The following NECAB1 variants were observed in gnomAD, a reference collection of about 807,000 sequenced individuals.
The protein encoded by NECAB1 is N-terminal EF-hand calcium-binding protein 1.
In NECAB1, 29 loss-of-function variants were observed where a neutral mutation model predicts 57.5. That is an observed-to-expected ratio of 0.50 (90% CI 0.38 to 0.69). The LOEUF is 0.69. Among genes scored for constraint, NECAB1 ranks in the 30% least tolerant of loss-of-function variants. The pLI is 0.00. For synonymous variants in NECAB1, 142 were observed against 147.7 expected, an observed-to-expected ratio of 0.96 and a Z score of 0.28; for missense variants, 372 against 413.8, an observed-to-expected ratio of 0.90 and a Z score of 0.88.
At chr8:90,836,912 A>T (rs1812378622) in intron 3 of NECAB1, among the ~76,000 whole-genome samples, 2 of 152,234 alleles carry the variant, frequency 1.3e-5, no homozygotes, top group African/African-American at 2.4e-5. Context: ...ATGTTTTGCC[A>T]AAATGAAGGC....
chr8:90,911,810 A>C (rs1271738329), intron 5 of NECAB1, among the ~76,000 whole-genome samples: 1 of 152,108 alleles, frequency 6.6e-6, no homozygotes, highest in Non-Finnish European at 1.5e-5. Context: ...TGTCCATTAC[A>C]CTTTATAATA....
chr8:90,811,598 T>G (rs1252501848), intron 2 of NECAB1, among the ~76,000 whole-genome samples: 2 of 152,208 alleles, frequency 1.3e-5, no homozygotes, highest in Non-Finnish European at 1.5e-5. Flanking sequence ...AATTGTTGGC[T>G]CCTATAATTG....
intron 8 of NECAB1, among the ~76,000 whole-genome samples, chr8:90,932,350 A>G (rs1226844912): frequency 6.6e-6 from 1 of 152,234 alleles, no homozygotes; most frequent in African/African-American, 2.4e-5. Context: ...GTCAGGTACT[A>G]TTCCAGCAGT....
At chr8:90,867,455 C>A (rs2129830866) in intron 3 of NECAB1, among the ~76,000 whole-genome samples, 1 of 152,284 alleles carries the variant, frequency 6.6e-6, no homozygotes, top group South Asian at 2.1e-4. Flanking sequence ...TTCAATGATG[C>A]TATTAAAAAT....
At chr8:90,941,584 A>G (rs568152746) in intron 10 of NECAB1, among the ~76,000 whole-genome samples, 3 of 152,360 alleles carry the variant, frequency 2.0e-5, no homozygotes, top group Non-Finnish European at 4.4e-5. Context: ...AACCTAAAGT[A>G]ACTCTCTAAT....
chr8:90,905,761 C>G (rs148892590), intron 5 of NECAB1, among the ~76,000 whole-genome samples: 2 of 152,130 alleles, frequency 1.3e-5, no homozygotes, highest in African/African-American at 4.8e-5. Context: ...TAAATACTCT[C>G]GTTCTCTTCT....
intron 5 of NECAB1, among the ~76,000 whole-genome samples, chr8:90,906,877 A>ATATATATATATG (rs1554574021): frequency 1.8e-5 from 1 of 56,368 alleles, no homozygotes; most frequent in African/African-American, 9.0e-5. Flanking sequence ...TGATATACAC[A>ATATATATATATG]TATATATATA....
chr8:90,915,909 C>T (rs899308514), intron 5 of NECAB1, among the ~76,000 whole-genome samples: 12 of 152,346 alleles, frequency 7.9e-5, no homozygotes, highest in Non-Finnish European at 1.6e-4. Flanking sequence ...GGCCAGAAGA[C>T]TCAGCAAGTC....
At chr8:90,918,926 G>A (rs1301302673) in intron 6 of NECAB1, among the ~76,000 whole-genome samples, 1 of 152,042 alleles carries the variant, frequency 6.6e-6, no homozygotes, top group African/African-American at 2.4e-5. Flanking sequence ...GGAAATGATG[G>A]GAAAGACCCT....
At chr8:90,819,542 T>C (rs1402591322) in intron 2 of NECAB1, among the ~76,000 whole-genome samples, 4 of 151,978 alleles carry the variant, frequency 2.6e-5, no homozygotes, top group African/African-American at 4.8e-5. Flanking sequence ...CTGTTGACTC[T>C]GAGTTTCCCT....
chr8:90,930,798 AT>A (rs1810385863), intron 8 of NECAB1, among the ~76,000 whole-genome samples: 1 of 152,242 alleles, frequency 6.6e-6, no homozygotes, highest in African/African-American at 2.4e-5. Flanking sequence ...AATAGTGGCT[AT>A]GGAAATTAGT....
At chr8:90,796,809 C>T (rs919714716) in intron 1 of NECAB1, among the ~76,000 whole-genome samples, 4 of 152,136 alleles carry the variant, frequency 2.6e-5, no homozygotes, top group African/African-American at 9.7e-5. Context: ...GCAAAATTTG[C>T]AGCAGAGACA....
chr8:90,841,330 C>T (rs183495732), intron 3 of NECAB1, among the ~76,000 whole-genome samples: 2 of 151,888 alleles, frequency 1.3e-5, no homozygotes, highest in African/African-American at 4.8e-5. Context: ...ATAGAAGTGA[C>T]CTATCTTGGG....
chr8:90,955,678 G>A lies in NECAB1; in HGVS notation c.*166G>A. Reference sequence around the variant, plus strand: ...TTATTCTATAACTTTATCAATTCATGTGAATTTTAGCTCAATTTTCAAAGT... The same window carrying A: ...TTATTCTATAACTTTATCAATTCATATGAATTTTAGCTCAATTTTCAAAGT... On this transcript the variant is annotated 3_prime_UTR_variant, in exon 13 of 13. Transcript: ENST00000417640. 1 of 482,302 alleles carries A rather than the reference G, an allele frequency of 2.1e-6. No individual in the cohort carries two copies. The allele number at this position is 482,302 out of a possible 1,614,324, so 29.9% of individuals were successfully genotyped here.
At chr8:90,879,995 T>C (rs1289715066) in intron 4 of NECAB1, among the ~76,000 whole-genome samples, 1 of 152,222 alleles carries the variant, frequency 6.6e-6, no homozygotes, top group African/African-American at 2.4e-5. Context: ...GTGTTTATTT[T>C]CTTCTCAAAA....
chr8:90,914,942 T>C (rs1365396965), intron 5 of NECAB1, among the ~76,000 whole-genome samples: 1 of 152,194 alleles, frequency 6.6e-6, no homozygotes, highest in Non-Finnish European at 1.5e-5. Context: ...TTGCAATGAC[T>C]GGAATGTTTA....
intron 3 of NECAB1, among the ~76,000 whole-genome samples, chr8:90,863,565 T>C (rs1808449388): frequency 6.6e-6 from 1 of 152,132 alleles, no homozygotes; most frequent in South Asian, 2.1e-4. Flanking sequence ...TAAACCCACT[T>C]ATTTGGTGGA....
chr8:90,863,620 A>G (rs1006130176), intron 3 of NECAB1, among the ~76,000 whole-genome samples: 1 of 152,186 alleles, frequency 6.6e-6, no homozygotes, highest in Non-Finnish European at 1.5e-5. Flanking sequence ...AAAACAAGCC[A>G]TTTTATATAG....
At chr8:90,867,794 TTGTATGCCAC>T (rs1394080031) in intron 3 of NECAB1, among the ~76,000 whole-genome samples, 2 of 152,232 alleles carry the variant, frequency 1.3e-5, no homozygotes, top group Admixed American at 6.5e-5. Flanking sequence ...GTGGCTGGCC[TTGTATGCCAC>T]TTGGGTTATA....
Sources: allele counts gnomAD v4.1 joint callset (sites outside exome capture counted in the v4.1 genomes callset), GRCh38; gene constraint gnomAD v4.1.1; transcripts MANE v1.5; gene names NCBI Gene and HGNC (gene_info 2026-07-23, HGNC 2026-07-21).